The following ZBTB20 variants were observed in gnomAD, a reference collection of about 807,000 sequenced individuals.
The protein encoded by ZBTB20 is zinc finger and BTB domain-containing protein 20.
A neutral mutation model predicts 56.9 loss-of-function variants in ZBTB20; 9 were observed. The observed-to-expected ratio is 0.16, with a 90% CI of 0.10 to 0.28. ZBTB20 has a LOEUF of 0.28. Among genes scored for constraint, ZBTB20 ranks in the 10% least tolerant of loss-of-function variants. The pLI, the probability that ZBTB20 is intolerant of heterozygous loss-of-function variation, is 1.00. For synonymous variants in ZBTB20, 417 were observed against 420.7 expected (o/e 0.99, Z 0.11); for missense variants, 655 against 1,003.0 (o/e 0.65, Z 4.69).
At chr3:114,893,310 C>T (rs930930483) in intron 4 of ZBTB20, among the ~76,000 whole-genome samples, 3 of 152,124 alleles carry the variant, frequency 2.0e-5, no homozygotes, top group African/African-American at 7.2e-5. Context: ...GGCAGCTCTC[C>T]AGCTAATCAA....
intron 5 of ZBTB20, among the ~76,000 whole-genome samples, chr3:114,725,540 G>A (rs984671908): frequency 6.6e-6 from 1 of 152,216 alleles, no homozygotes; most frequent in Non-Finnish European, 1.5e-5. Flanking sequence ...ATAATTGTGA[G>A]TTGAATATTT....
chr3:114,985,568 T>C (rs773110289), intron 2 of ZBTB20, among the ~76,000 whole-genome samples: 2 of 152,102 alleles, frequency 1.3e-5, no homozygotes, highest in African/African-American at 4.8e-5. Context: ...ATTATGTCCT[T>C]TTATGATGTC....
chr3:114,342,286 A>G (rs1177538923), intron 11 of ZBTB20, among the ~76,000 whole-genome samples: 1 of 152,188 alleles, frequency 6.6e-6, no homozygotes, highest in East Asian at 1.9e-4. Flanking sequence ...CATAAAATGG[A>G]TGAGGTCTGT....
intron 4 of ZBTB20, among the ~76,000 whole-genome samples, chr3:114,883,423 C>T (rs1199186483): frequency 6.6e-6 from 1 of 152,174 alleles, no homozygotes; most frequent in Non-Finnish European, 1.5e-5. Flanking sequence ...TTACATACTT[C>T]ACTGCCAACT....
At chr3:115,110,736 C>A (rs2083854693) in intron 1 of ZBTB20, among the ~76,000 whole-genome samples, 2 of 152,096 alleles carry the variant, frequency 1.3e-5, no homozygotes, top group South Asian at 4.1e-4. Context: ...CGCCTGTAAT[C>A]CCAGCACTTT....
At chr3:114,973,776 C>T (rs774233167) in intron 3 of ZBTB20, among the ~76,000 whole-genome samples, 1 of 152,030 alleles carries the variant, frequency 6.6e-6, no homozygotes, top group Non-Finnish European at 1.5e-5. Flanking sequence ...GTAATTACAG[C>T]CCCCTCTTGT....
At chr3:114,537,954 G>C (rs571255272) in intron 6 of ZBTB20, among the ~76,000 whole-genome samples, 3 of 152,082 alleles carry the variant, frequency 2.0e-5, no homozygotes, top group Non-Finnish European at 4.4e-5. Context: ...GACATAGGGA[G>C]GGGAATGTCA....
chr3:114,533,459 T>C (rs989069202), intron 6 of ZBTB20, among the ~76,000 whole-genome samples: 11 of 151,814 alleles, frequency 7.2e-5, no homozygotes, highest in African/African-American at 2.4e-4. Context: ...TGAAAAGGAA[T>C]GAACAAACCT....
At chr3:114,381,775 A>G (rs1441706981) in intron 8 of ZBTB20, among the ~76,000 whole-genome samples, 1 of 152,232 alleles carries the variant, frequency 6.6e-6, no homozygotes, top group African/African-American at 2.4e-5. Context: ...TCAGTCCAAC[A>G]GGTTGTGAAA....
intron 2 of ZBTB20, among the ~76,000 whole-genome samples, chr3:115,019,300 T>C (rs902850286): frequency 2.0e-5 from 3 of 151,248 alleles, no homozygotes; most frequent in Non-Finnish European, 4.4e-5. Context: ...AGGGGTTGTT[T>C]TGAGGTAAAA....
chr3:114,790,184 T>G (rs2070840174), intron 5 of ZBTB20, among the ~76,000 whole-genome samples: 1 of 152,342 alleles, frequency 6.6e-6, no homozygotes, highest in East Asian at 1.9e-4. Context: ...TTTCTCAGTC[T>G]GCTTATCTGA....
At chr3:114,793,752 C>T (rs1421636605) in intron 5 of ZBTB20, among the ~76,000 whole-genome samples, 7 of 152,002 alleles carry the variant, frequency 4.6e-5, no homozygotes, top group Admixed American at 4.6e-4. Flanking sequence ...TCAGATATAT[C>T]AGAGTATGAA....
At chr3:114,483,652 T>G (rs2041799538) in intron 7 of ZBTB20, among the ~76,000 whole-genome samples, 1 of 152,170 alleles carries the variant, frequency 6.6e-6, no homozygotes, top group Non-Finnish European at 1.5e-5. Context: ...GATATGTAAG[T>G]GACTGAGAAC....
intron 4 of ZBTB20, among the ~76,000 whole-genome samples, chr3:114,844,580 G>A (rs1446618437): frequency 8.3e-6 from 1 of 120,142 alleles, no homozygotes; most frequent in South Asian, 2.8e-4. Context: ...TAAACATGTA[G>A]GCATGAAATG....
At chr3:114,343,758 G>A (rs1206973942) in intron 11 of ZBTB20, among the ~76,000 whole-genome samples, 1 of 152,214 alleles carries the variant, frequency 6.6e-6, no homozygotes, top group African/African-American at 2.4e-5. Flanking sequence ...TTAAAAGGGG[G>A]CCCACACGGC....
chr3:114,443,873 G>A (rs2091092760), intron 7 of ZBTB20, among the ~76,000 whole-genome samples: 1 of 152,148 alleles, frequency 6.6e-6, no homozygotes, highest in South Asian at 2.1e-4. Context: ...GTGAGGCCCA[G>A]TAAAATTAAG....
rs966923353 is a variant in ZBTB20 at position 115,051,966 on chromosome 3, AACTC to A, written c.-507+19249_-507+19252del. On this transcript the variant is annotated intron_variant, in intron 2 of 11. Coordinates refer to ENST00000675478, the MANE Select transcript of ZBTB20 (RefSeq NM_001348800.3). ...TTTTAACCAACCAGATCTCGGTGAG[AACTC>A]ACTCACTATCATGAGAACAGCAAGC... is the stretch of plus-strand genomic sequence containing the variant. 5.9e-5 allele frequency among the ~76,000 whole-genome samples: 9 copies of A among 152,056 alleles called. No homozygotes were observed. In the South Asian group the frequency reaches 1.5e-3, roughly 25 times the overall value.
intron 6 of ZBTB20, among the ~76,000 whole-genome samples, chr3:114,592,623 T>A (rs2055887403): frequency 6.6e-6 from 1 of 152,328 alleles, no homozygotes; most frequent in South Asian, 2.1e-4. Context: ...AGAGCACCAT[T>A]TGTGCAAGAG....
chr3:114,978,537 C>A (rs76021856), intron 2 of ZBTB20, among the ~76,000 whole-genome samples: 2,048 of 151,228 alleles, frequency 0.014, 38 homozygotes, highest in South Asian at 0.075. Flanking sequence ...GCTTAGAAAA[C>A]AGGTTATAAA....
Sources: gnomAD v4.1 joint callset for allele counts (sites outside exome capture counted in the v4.1 genomes callset) on GRCh38, gnomAD v4.1.1 for gene constraint, MANE v1.5 for transcripts, NCBI Gene and HGNC (gene_info 2026-07-23, HGNC 2026-07-21) for gene names.